The following ZNRF1 variants were observed in gnomAD, a reference collection of about 807,000 sequenced individuals.
ZNRF1 encodes the protein zinc and ring finger 1.
Under a neutral mutation model 18.4 loss-of-function variants are expected in ZNRF1, and 3 were observed. The ratio of observed to expected loss-of-function variants is 0.16; its 90% CI spans 0.07 to 0.42. ZNRF1 has a LOEUF of 0.42. ZNRF1 is among the 10% of genes least tolerant of loss of function. ZNRF1 has a pLI of 0.99. For missense variants in ZNRF1, 310 were observed against 329.8 expected, an observed-to-expected ratio of 0.94 and a Z score of 0.47; for synonymous variants, 157 against 144.2, an observed-to-expected ratio of 1.09 and a Z score of -0.64.
At chr16:75,062,015 T>A (rs1337885981) in intron 1 of ZNRF1, among the ~76,000 whole-genome samples, 1 of 152,202 alleles carries the variant, frequency 6.6e-6, no homozygotes, top group Non-Finnish European at 1.5e-5. Context: ...AGCTTAAAAT[T>A]AGGTTACACT....
intron 1 of ZNRF1, among the ~76,000 whole-genome samples, chr16:75,028,675 G>A (rs1230106656): frequency 6.6e-6 from 1 of 152,162 alleles, no homozygotes; most frequent in Non-Finnish European, 1.5e-5. Flanking sequence ...CATCCTCCTT[G>A]AATCCACTCC....
At chr16:75,031,151 A>T (rs1218688244) in intron 1 of ZNRF1, among the ~76,000 whole-genome samples, 1 of 136,616 alleles carries the variant, frequency 7.3e-6, no homozygotes, top group African/African-American at 2.8e-5. Context: ...TTTTTTTTTT[A>T]GACAGAGTCT....
chr16:75,017,957 G>T (rs1347662429), intron 1 of ZNRF1, among the ~76,000 whole-genome samples: 2 of 152,168 alleles, frequency 1.3e-5, no homozygotes, highest in Non-Finnish European at 2.9e-5. Context: ...GTGAATCCCA[G>T]TGTTGCTAAT....
chr16:75,097,913 C>T (rs1204361414), intron 2 of ZNRF1, among the ~76,000 whole-genome samples: 2 of 152,234 alleles, frequency 1.3e-5, no homozygotes, highest in Admixed American at 1.3e-4. Flanking sequence ...GCAGGCAATT[C>T]TTTGTCCCAT....
In ZNRF1 at chr16:75,109,618, G is replaced by A. The variant is rs771126043; in HGVS notation, c.*1918G>A. 3 of 152,614 alleles carry A rather than the reference G, an allele frequency of 2.0e-5. No individual in the cohort carries two copies. The highest frequency in any genetic ancestry group is 4.4e-5 in the Non-Finnish European group (3 of 68,112). 9.5% of individuals were successfully genotyped at this position (152,614 alleles called of 1,614,324 possible). A position where few individuals can be genotyped will look rare whatever the true frequency, so the allele number is the denominator to read the frequency against. ...GGGACCCGTCTGGGGTGAAGACCTT[G>A]GGGCTGTTGTGAGTCGGTGGCAGGA... is the stretch of plus-strand genomic sequence containing the variant. On this transcript the variant is annotated 3_prime_UTR_variant, in exon 5 of 5. Transcript: ENST00000335325.
intron 1 of ZNRF1, among the ~76,000 whole-genome samples, chr16:75,012,633 A>T (rs1242576057): frequency 6.6e-6 from 1 of 152,196 alleles, no homozygotes; most frequent in Non-Finnish European, 1.5e-5. Flanking sequence ...AGAGCTTAGA[A>T]CAAGCCAGAA....
chr16:75,062,708 G>C (rs1184228704), intron 1 of ZNRF1, among the ~76,000 whole-genome samples: 1 of 152,244 alleles, frequency 6.6e-6, no homozygotes, highest in East Asian at 1.9e-4. Context: ...AGGCTCATAT[G>C]GGGTGGGGCT....
intron 1 of ZNRF1, among the ~76,000 whole-genome samples, chr16:75,028,951 A>C (rs902985810): frequency 1.3e-5 from 2 of 152,200 alleles, no homozygotes; most frequent in East Asian, 1.9e-4. Flanking sequence ...CAAATGTTGA[A>C]AGGCACGAAG....
At chr16:75,010,719 GTT>G (rs71158572) in intron 1 of ZNRF1, among the ~76,000 whole-genome samples, 23 of 85,048 alleles carry the variant, frequency 2.7e-4, no homozygotes, top group Admixed American at 4.3e-4. Context: ...TTGTTTTTTT[GTT>G]TTTTTTTTTT....
At chr16:75,023,932 G>T (rs566274499) in intron 1 of ZNRF1, among the ~76,000 whole-genome samples, 59 of 150,490 alleles carry the variant, frequency 3.9e-4, no homozygotes, top group Middle Eastern at 3.4e-3. Flanking sequence ...GTGCAGTGGT[G>T]TGATCTCGGC....
chr16:75,047,596 C>CA (rs1391355201), intron 1 of ZNRF1, among the ~76,000 whole-genome samples: 1 of 152,160 alleles, frequency 6.6e-6, no homozygotes, highest in Non-Finnish European at 1.5e-5. Context: ...GTGCTGTTGA[C>CA]TTTTGTGTGT....
chr16:75,082,957 C>T (rs747494883), intron 1 of ZNRF1, among the ~76,000 whole-genome samples: 1 of 152,226 alleles, frequency 6.6e-6, no homozygotes, highest in Admixed American at 6.5e-5. Flanking sequence ...GGCACAGACA[C>T]TTCACCATGT....
intron 1 of ZNRF1, among the ~76,000 whole-genome samples, chr16:75,025,767 A>C (rs1039597917): frequency 6.6e-5 from 10 of 150,790 alleles, no homozygotes; most frequent in African/African-American, 2.4e-4. Context: ...GTTTCTTTCC[A>C]TTTTTCTTTC....
chr16:75,012,754 C>G (rs2035015356), intron 1 of ZNRF1, among the ~76,000 whole-genome samples: 1 of 152,142 alleles, frequency 6.6e-6, no homozygotes, highest in Admixed American at 6.5e-5. Flanking sequence ...ATGTCTGAAC[C>G]ACTATCTTAC....
At chr16:75,028,363 G>A (rs566912938) in intron 1 of ZNRF1, among the ~76,000 whole-genome samples, 7 of 152,206 alleles carry the variant, frequency 4.6e-5, no homozygotes, top group African/African-American at 9.6e-5. Flanking sequence ...GCGTGATGTC[G>A]GCTCACTGCA....
At chr16:75,016,820 C>T (rs904475985) in intron 1 of ZNRF1, among the ~76,000 whole-genome samples, 5 of 85,948 alleles carry the variant, frequency 5.8e-5, no homozygotes, top group African/African-American at 1.5e-4. Context: ...GCTGGGATTA[C>T]AGGCGTGAGC....
intron 1 of ZNRF1, among the ~76,000 whole-genome samples, chr16:75,027,922 A>G (rs1345251836): frequency 6.6e-6 from 1 of 152,116 alleles, no homozygotes; most frequent in African/African-American, 2.4e-5. Flanking sequence ...CTCTTTTAAA[A>G]ACACCTTTCT....
intron 1 of ZNRF1, among the ~76,000 whole-genome samples, chr16:75,068,959 A>C (rs2035836438): frequency 6.7e-6 from 1 of 149,278 alleles, no homozygotes; most frequent in African/African-American, 2.5e-5. Flanking sequence ...CGAGGGTCCC[A>C]CCCCCTCCTC....
rs1230527029 is a variant in ZNRF1 at position 75,047,391 on chromosome 16, T to C, written c.425-46181T>C. Among the ~76,000 whole-genome samples the C allele has an allele frequency of 1.3e-5, 2 of 152,242 alleles. 1 individual carries two copies. The highest frequency in any genetic ancestry group is 1.3e-4 in the Admixed American group (2 of 15,282). On this transcript the variant is annotated intron_variant, in intron 1 of 4. Coordinates refer to ENST00000335325, the MANE Select transcript of ZNRF1 (RefSeq NM_032268.5). ...TCTGGCTATGTTGCCCAGGCTGGTC[T>C]TGAACTCCTGGCTACAAGCAGGCCT...
Sources: gnomAD v4.1 joint callset for allele counts (sites outside exome capture counted in the v4.1 genomes callset) on GRCh38, gnomAD v4.1.1 for gene constraint, MANE v1.5 for transcripts, NCBI Gene and HGNC (gene_info 2026-07-23, HGNC 2026-07-21) for gene names.